TDRD10: variants seen among roughly 807,000 people sequenced by gnomAD.
The protein encoded by TDRD10 is tudor domain containing 10, also known as tudor domain-containing protein 10.
TDRD10 carries 40 observed loss-of-function variants against 48.0 expected under a neutral mutation model. The observed-to-expected ratio is 0.83, with a 90% CI of 0.65 to 1.09. TDRD10 has a LOEUF of 1.09. Ranked by LOEUF, TDRD10 falls within the 50% of genes least tolerant of loss-of-function variation. The pLI, the probability that TDRD10 is intolerant of heterozygous loss-of-function variation, is 0.00. For synonymous variants in TDRD10, 162 were observed against 170.4 expected (o/e 0.95, Z 0.38); for missense variants, 378 against 434.7 (o/e 0.87, Z 1.16).
At chr1:154,515,159 C>T (rs903104267) in intron 4 of TDRD10, among the ~76,000 whole-genome samples, 1 of 152,022 alleles carries the variant, frequency 6.6e-6, no homozygotes, top group Non-Finnish European at 1.5e-5. Flanking sequence ...TGAGCCACCA[C>T]GTTCAGCCTC....
intron 8 of TDRD10, among the ~76,000 whole-genome samples, 191 bp downstream of exon 8, chr1:154,543,012 A>G (rs1398552745): frequency 2.0e-5 from 3 of 152,158 alleles, no homozygotes; most frequent in Non-Finnish European, 2.9e-5. Flanking sequence ...GCAGTGACTC[A>G]TGCCTGTAAT....
intron 6 of TDRD10, among the ~76,000 whole-genome samples, chr1:154,535,154 G>T (rs1694855158): frequency 6.6e-6 from 1 of 152,150 alleles, no homozygotes; most frequent in Non-Finnish European, 1.5e-5. Flanking sequence ...ATCACTTGAA[G>T]TCAGGAGTTT....
rs1393186383 is a variant in TDRD10, at chr1:154,547,882, T to G, written c.*172T>G. The G allele has an allele frequency of 1.4e-5, 10 of 706,300 alleles. 1 individual carries two copies. Among genetic ancestry groups the G allele is most frequent in the Non-Finnish European group, 2.4e-6 (1 of 420,892 alleles). 43.8% of individuals were successfully genotyped at this position (706,300 alleles called of 1,614,324 possible). A position where few individuals can be genotyped will look rare whatever the true frequency, so the allele number is the denominator to read the frequency against. ...TCCCAGCTTCCCTCTCAAAAGAGAG[T>G]GAAGTCTCATTTGTCATGTGTCTTC... On this transcript the variant is annotated 3_prime_UTR_variant, in exon 13 of 13. Coordinates refer to ENST00000368482, the MANE Select transcript of TDRD10 (RefSeq NM_182499.4).
chr1:154,515,533 G>C (rs1436902774), intron 4 of TDRD10, among the ~76,000 whole-genome samples: 1 of 152,152 alleles, frequency 6.6e-6, no homozygotes, highest in Non-Finnish European at 1.5e-5. Flanking sequence ...TGGCCTCCTT[G>C]TTCAGCCCAG....
intron 1 of TDRD10, among the ~76,000 whole-genome samples, chr1:154,503,354 G>T (rs192399465): frequency 6.6e-6 from 1 of 152,160 alleles, no homozygotes; most frequent in East Asian, 1.9e-4. Context: ...TTGGGAGGCC[G>T]AGGCGGGCAG....
intron 6 of TDRD10, among the ~76,000 whole-genome samples, chr1:154,522,030 G>T (rs138359909): frequency 0.011 from 1,724 of 152,308 alleles, 33 homozygotes; most frequent in African/African-American, 0.039. Flanking sequence ...AGGTGAACCA[G>T]GAGAAAAAGA....
At chr1:154,510,259 A>T (rs1412379757) in intron 4 of TDRD10, among the ~76,000 whole-genome samples, 1 of 131,962 alleles carries the variant, frequency 7.6e-6, no homozygotes, top group Non-Finnish European at 1.7e-5. Flanking sequence ...AAAAAAAAAA[A>T]ATTTTGAATG....
chr1:154,544,286 C>T (rs1019942753), intron 9 of TDRD10, 86 bp from the exon 10 acceptor site: 20 of 1,541,530 alleles, frequency 1.3e-5, no homozygotes, highest in African/African-American at 1.2e-4. Flanking sequence ...GACGGATTAG[C>T]GGTGCTAACA....
chr1:154,542,392 T>C (rs539977438), intron 7 of TDRD10, among the ~76,000 whole-genome samples: 1 of 152,332 alleles, frequency 6.6e-6, no homozygotes, highest in Admixed American at 6.5e-5. Flanking sequence ...CATGCCTGGC[T>C]AATTGTTAAA....
At chr1:154,514,148 C>G (rs957397184) in intron 4 of TDRD10, among the ~76,000 whole-genome samples, 13 of 152,148 alleles carry the variant, frequency 8.5e-5, no homozygotes, top group Non-Finnish European at 1.6e-4. Context: ...TGAGGTCACG[C>G]CACCGCATTC....
At chr1:154,544,146 G>A (rs377125699) in intron 9 of TDRD10, 36 bp downstream of exon 9, 113 of 1,613,490 alleles carry the variant, frequency 7.0e-5, no homozygotes, top group Non-Finnish European at 9.1e-5. Flanking sequence ...AGGCTCCTGT[G>A]CCTTCCTGCG....
intron 5 of TDRD10, 46 bp from the exon 6 acceptor site, chr1:154,521,277 C>T: frequency 6.2e-7 from 1 of 1,603,324 alleles, no homozygotes. Flanking sequence ...CTCTGGGCTT[C>T]TCTGGAGATG....
intron 6 of TDRD10, among the ~76,000 whole-genome samples, chr1:154,539,090 G>C (rs1695085654): frequency 6.6e-6 from 1 of 152,254 alleles, no homozygotes; most frequent in Non-Finnish European, 1.5e-5. Flanking sequence ...CTCCCAACCA[G>C]GATTGGGGTC....
intron 4 of TDRD10, among the ~76,000 whole-genome samples, chr1:154,516,091 C>T (rs1294287592): frequency 6.6e-6 from 1 of 152,142 alleles, no homozygotes; most frequent in African/African-American, 2.4e-5. Flanking sequence ...GCTTTCTGCA[C>T]CTAACACATT....
At chr1:154,512,987 G>C (rs1418834228) in intron 4 of TDRD10, among the ~76,000 whole-genome samples, 3 of 152,188 alleles carry the variant, frequency 2.0e-5, no homozygotes, top group Non-Finnish European at 2.9e-5. Context: ...GTGGCCGGGA[G>C]AGATGTTATG....
At chr1:154,547,313 C>A in intron 11 of TDRD10, 96 bp from the exon 12 acceptor site, 2 of 1,332,924 alleles carry the variant, frequency 1.5e-6, no homozygotes, top group Non-Finnish European at 2.1e-6. Flanking sequence ...GCGGCCAGAG[C>A]ACTTTCCCTG....
intron 6 of TDRD10, among the ~76,000 whole-genome samples, chr1:154,528,944 T>A (rs932023889): frequency 1.3e-5 from 2 of 152,242 alleles, no homozygotes; most frequent in Admixed American, 1.3e-4. Context: ...ACATAACTTA[T>A]AGCCTACTCT....
At chr1:154,535,487 G>A (rs1271384693) in intron 6 of TDRD10, among the ~76,000 whole-genome samples, 1 of 152,062 alleles carries the variant, frequency 6.6e-6, no homozygotes, top group Non-Finnish European at 1.5e-5. Flanking sequence ...ATTGCTTCAG[G>A]CCAGGAGTTT....
chr1:154,512,366 C>G (rs975134030), intron 4 of TDRD10, among the ~76,000 whole-genome samples: 1 of 151,890 alleles, frequency 6.6e-6, no homozygotes. Context: ...GTTTTTAAGA[C>G]GGAGTTTCAC....
Sources: gnomAD v4.1 joint callset for allele counts (sites outside exome capture counted in the v4.1 genomes callset) on GRCh38, gnomAD v4.1.1 for gene constraint, MANE v1.5 for transcripts, NCBI Gene and HGNC (gene_info 2026-07-23, HGNC 2026-07-21) for gene names.